The following RBL1 variants were observed in gnomAD, a reference collection of about 807,000 sequenced individuals.
RBL1 encodes the protein RB transcriptional corepressor like 1, also known as retinoblastoma-like protein 1.
A neutral mutation model predicts 123.0 loss-of-function variants in RBL1; 82 were observed. The ratio of observed to expected loss-of-function variants is 0.67; its 90% CI spans 0.56 to 0.80. The LOEUF is 0.80. Ranked by LOEUF, RBL1 falls within the 30% of genes least tolerant of loss-of-function variation. The probability of loss-of-function intolerance (pLI) is 0.00; values close to 1 mark genes in which losing one functional copy is unlikely to be tolerated. For synonymous variants in RBL1, 405 were observed against 441.3 expected (o/e 0.92, Z 1.03); for missense variants, 1,171 against 1,299.6 (o/e 0.90, Z 1.52).
At chr20:37,050,260 A>G (rs562165425) in intron 11 of RBL1, among the ~76,000 whole-genome samples, 15 of 151,938 alleles carry the variant, frequency 9.9e-5, no homozygotes, top group South Asian at 2.1e-4. Flanking sequence ...AAAGTAGAAT[A>G]AGGCCGGGCG....
At position 36,998,050 on chromosome 20, in the gene RBL1, A is replaced by G. The variant is rs2063906731; in HGVS notation, c.*709T>C. On this transcript the variant is annotated 3_prime_UTR_variant, in exon 22 of 22. Coordinates refer to ENST00000373664, the MANE Select transcript of RBL1 (RefSeq NM_002895.5). ...GGAACCAACCCCTTCCTTCAATATT[A>G]AATTAAGAATACAAATATCTCAAAG... The G allele has an allele frequency of 6.6e-6, 1 of 152,142 alleles. No homozygotes were observed. The highest frequency in any genetic ancestry group is 2.4e-5 in the African/African-American group (1 of 41,432). 9.4% of individuals were successfully genotyped at this position (152,142 alleles called of 1,614,324 possible). A position where few individuals can be genotyped will look rare whatever the true frequency, so the allele number is the denominator to read the frequency against.
chr20:37,053,664 A>G (rs1600538084), intron 11 of RBL1, among the ~76,000 whole-genome samples: 1 of 152,300 alleles, frequency 6.6e-6, no homozygotes, highest in East Asian at 1.9e-4. Context: ...ACATATGCCA[A>G]AAGAACTTAA....
At chr20:37,042,722 G>A (rs556279591) in intron 13 of RBL1, among the ~76,000 whole-genome samples, 1 of 151,910 alleles carries the variant, frequency 6.6e-6, no homozygotes, top group South Asian at 2.1e-4. Flanking sequence ...GGGCAACATA[G>A]GGAGATCCCA....
intron 11 of RBL1, chr20:37,049,467 T>C: frequency 1.3e-6 from 1 of 754,612 alleles, no homozygotes; most frequent in Non-Finnish European, 2.4e-6. Context: ...GACTTCATGG[T>C]GGTGCTAAGA....
Position 37,044,669 on chromosome 20 carries a change from A to G in RBL1, c.1606-419T>C, listed in dbSNP as rs551275784. Among the ~76,000 whole-genome samples the G allele has an allele frequency of 4.6e-5, 7 of 152,270 alleles. No homozygotes were observed. In the South Asian group the frequency reaches 1.5e-3, roughly 32 times the overall value. On this transcript the variant is annotated intron_variant, in intron 12 of 21. Transcript: ENST00000373664. ...GGCCTTATTCTGTGGCACAGAACCA[A>G]AGTCATCTTTGAACCATAATTCTGT...
In RBL1 at chr20:37,007,533, C is replaced by G; in HGVS notation, c.2749G>C (p.Asp917His). ...TCTTTCACTGGTCCACTGGAACAGT[C>G]AGGTGTTTTTGTAGCATCTTCTAAG... ...CDLEDATKTP[D>H]CSSGPVKEER... The change falls in exon 20 of 22, where the codon GAC becomes CAC. Residue 917 changes from aspartate to histidine, a missense_variant. By Grantham distance (81) the Asp-to-His change is moderately conservative. Transcript: ENST00000373664. 6.2e-7 allele frequency: 1 copy of G among 1,613,542 alleles called. No homozygotes were observed. Among genetic ancestry groups the G allele is most frequent in the Non-Finnish European group, 8.5e-7 (1 of 1,179,732 alleles).
In RBL1 at chr20:37,061,390, A is replaced by C. The variant is rs2065092434; in HGVS notation, c.1084-121T>G. The stretch of plus-strand genomic sequence containing the variant: ...TGTAATATCCATGAAATTTTTAGCA[A>C]TACTATGCTAATAACATCCTTATAT... On this transcript the variant is annotated intron_variant, in intron 8 of 21. Coordinates refer to ENST00000373664, the MANE Select transcript of RBL1 (RefSeq NM_002895.5). 7 of 1,339,718 alleles carry C rather than the reference A, an allele frequency of 5.2e-6. No homozygotes were observed. The South Asian group carries it at 1.4e-4, about 28-fold the overall frequency. The allele number at this position is 1,339,718 out of a possible 1,614,324, so 83.0% of individuals were successfully genotyped here.
At chr20:37,078,213 G>T (rs138096849) in intron 2 of RBL1, among the ~76,000 whole-genome samples, 11 of 152,214 alleles carry the variant, frequency 7.2e-5, no homozygotes, top group African/African-American at 2.2e-4. Flanking sequence ...CTTGATTTAG[G>T]TGGTATGTGC....
At chr20:37,020,586 T>C (rs1361239154) in intron 18 of RBL1, 73 bp downstream of exon 18, 2 of 1,020,784 alleles carry the variant, frequency 2.0e-6, no homozygotes, top group East Asian at 5.3e-5. Flanking sequence ...AAAATAAGTT[T>C]ACCTTTTATA....
chr20:37,032,575 G>GA (rs144265208), intron 16 of RBL1, 90 bp downstream of exon 16: 3,455 of 1,307,246 alleles, frequency 2.6e-3, no homozygotes, highest in South Asian at 3.3e-3. Flanking sequence ...ATGTATATTA[G>GA]AAAAAAAAAA....
intron 16 of RBL1, among the ~76,000 whole-genome samples, chr20:37,032,041 C>A (rs2064522358): frequency 6.6e-6 from 1 of 151,814 alleles, no homozygotes; most frequent in South Asian, 2.1e-4. Flanking sequence ...AGCAACCACG[C>A]CTGGTTTGAA....
intron 19 of RBL1, among the ~76,000 whole-genome samples, chr20:37,011,522 C>T (rs1304525643): frequency 1.3e-5 from 2 of 150,346 alleles, no homozygotes; most frequent in African/African-American, 4.9e-5. Flanking sequence ...GCAACCTCAG[C>T]CCCCAGGGTT....
chr20:37,039,503 A>G (rs1173340981), intron 14 of RBL1, among the ~76,000 whole-genome samples: 1 of 152,086 alleles, frequency 6.6e-6, no homozygotes, highest in Non-Finnish European at 1.5e-5. Flanking sequence ...AAGTCTCATG[A>G]GATCTGATGG....
chr20:37,079,139 G>C (rs561713505), intron 2 of RBL1, among the ~76,000 whole-genome samples: 1 of 147,580 alleles, frequency 6.8e-6, no homozygotes, highest in African/African-American at 2.5e-5. Flanking sequence ...GGTAGAGACT[G>C]CAGTGAGCTG....
chr20:37,021,759 A>G (rs1320278951), intron 17 of RBL1: 1 of 187,264 alleles, frequency 5.3e-6, no homozygotes, highest in South Asian at 1.2e-4. Context: ...TGAGTTTTCT[A>G]ACTGCAACTT....
intron 14 of RBL1, among the ~76,000 whole-genome samples, chr20:37,038,303 T>C (rs1175808351): frequency 7.0e-6 from 1 of 142,632 alleles, no homozygotes; most frequent in East Asian, 2.0e-4. Flanking sequence ...TATGCAATCT[T>C]TTTTTTTTTT....
chr20:37,029,820 T>C (rs2064478809), intron 16 of RBL1, among the ~76,000 whole-genome samples: 2 of 152,178 alleles, frequency 1.3e-5, no homozygotes, highest in African/African-American at 2.4e-5. Context: ...ATTAAGACAA[T>C]TCTACTTACT....
chr20:37,013,405 G>A (rs1024651231), intron 19 of RBL1, among the ~76,000 whole-genome samples: 4 of 151,190 alleles, frequency 2.6e-5, no homozygotes, highest in Admixed American at 2.6e-4. Flanking sequence ...CTCGTTAAAA[G>A]TCATCACCAC....
chr20:37,007,482 A>C lies in RBL1; in HGVS notation c.2800T>G (p.Tyr934Asp). The stretch of plus-strand genomic sequence containing the variant: ...ACTCTTCCTACATATATTGTATTGT[A>C]AAATTTTATAAGATCACCTCTTTCC... ...KEERGDLIKF[Y>D]NTIYVGRVKS... Residue 934 changes from tyrosine (Y) to aspartate (D), a missense_variant, in exon 20 of 22, where the codon TAC (tyrosine) becomes GAC (aspartate). Tyr to Asp is a radical substitution (Grantham distance 160, BLOSUM62 -3). Transcript: ENST00000373664. The C allele has an allele frequency of 6.2e-7, 1 of 1,613,916 alleles. No individual in the cohort carries two copies. The highest frequency in any genetic ancestry group is 8.5e-7 in the Non-Finnish European group (1 of 1,179,840).
Sources: gnomAD v4.1 joint callset for allele counts (sites outside exome capture counted in the v4.1 genomes callset) on GRCh38, gnomAD v4.1.1 for gene constraint, MANE v1.5 for transcripts, NCBI Gene and HGNC (gene_info 2026-07-23, HGNC 2026-07-21) for gene names.